The following HSD17B4 variants were observed in gnomAD, a reference collection of about 807,000 sequenced individuals.
HSD17B4 encodes the protein peroxisomal multifunctional enzyme type 2.
Under a neutral mutation model 101.0 loss-of-function variants are expected in HSD17B4, and 70 were observed. That is an observed-to-expected ratio of 0.69 (90% confidence interval 0.57 to 0.85). The LOEUF (loss-of-function observed/expected upper bound fraction) is 0.85, where lower values mean the gene tolerates loss of function less well. HSD17B4 is among the 40% of genes least tolerant of loss of function. The probability of loss-of-function intolerance (pLI) is 0.00; values close to 1 mark genes in which losing one functional copy is unlikely to be tolerated. For synonymous variants in HSD17B4, 347 were observed against 297.1 expected (o/e 1.17, Z -1.73); for missense variants, 984 against 892.4 (o/e 1.10, Z -1.31).
chr5:119,463,971 A>G (rs900605164), intron 2 of HSD17B4, among the ~76,000 whole-genome samples: 2 of 152,026 alleles, frequency 1.3e-5, no homozygotes, highest in African/African-American at 4.8e-5. Context: ...GCACCTGGCC[A>G]TTGAGAAATG....
At chr5:119,480,209 G>C (rs925364751) in intron 8 of HSD17B4, among the ~76,000 whole-genome samples, 1 of 151,822 alleles carries the variant, frequency 6.6e-6, no homozygotes, top group Admixed American at 6.6e-5. Context: ...GAATTTTAAG[G>C]GTTCTTTGTA....
At chr5:119,511,882 C>T (rs560840136) in intron 16 of HSD17B4, among the ~76,000 whole-genome samples, 70 of 152,154 alleles carry the variant, frequency 4.6e-4, no homozygotes, top group Non-Finnish European at 9.9e-4. Context: ...GAGTGTGATG[C>T]ATAGACGGAA....
At chr5:119,485,049 A>G (rs891461112) in intron 8 of HSD17B4, among the ~76,000 whole-genome samples, 3 of 152,198 alleles carry the variant, frequency 2.0e-5, no homozygotes, top group African/African-American at 7.2e-5. Flanking sequence ...ATGAATATTC[A>G]TGAACTCACT....
chr5:119,454,804 T>G (rs570904164), intron 1 of HSD17B4, among the ~76,000 whole-genome samples: 1 of 151,736 alleles, frequency 6.6e-6, no homozygotes, highest in Non-Finnish European at 1.5e-5. Flanking sequence ...GTGGTTTGAA[T>G]AGAGACGGGG....
intron 9 of HSD17B4, among the ~76,000 whole-genome samples, chr5:119,490,668 A>G (rs1167566117): frequency 1.3e-5 from 2 of 152,242 alleles, no homozygotes; most frequent in Admixed American, 6.5e-5. Flanking sequence ...TCCCGGACTC[A>G]AGTGATTCTC....
intron 14 of HSD17B4, among the ~76,000 whole-genome samples, chr5:119,504,172 A>G (rs550280656): frequency 3.7e-4 from 56 of 152,042 alleles, no homozygotes; most frequent in Non-Finnish European, 6.9e-4. Flanking sequence ...TTCTTTATCC[A>G]TTTCACCATT....
intron 23 of HSD17B4, 87 bp from the exon 24 acceptor site, chr5:119,541,818 T>C: frequency 1.2e-6 from 1 of 806,302 alleles, no homozygotes. Flanking sequence ...TCAATTGTAT[T>C]CAGTCTGAAT....
At chr5:119,499,248 G>A in intron 12 of HSD17B4, 69 bp from the exon 13 acceptor site, 2 of 1,003,002 alleles carry the variant, frequency 2.0e-6, no homozygotes, top group Admixed American at 1.7e-5. Context: ...AACAAAACTA[G>A]GTATGTAAGA....
intron 10 of HSD17B4, 68 bp from the exon 11 acceptor site, chr5:119,493,750 T>G: frequency 7.1e-7 from 1 of 1,402,984 alleles, no homozygotes; most frequent in Non-Finnish European, 1.0e-6. Flanking sequence ...AATGAAAGGG[T>G]TCTTATGCAT....
chr5:119,463,224 T>A (rs995126790), intron 2 of HSD17B4, among the ~76,000 whole-genome samples: 3 of 152,254 alleles, frequency 2.0e-5, no homozygotes, highest in African/African-American at 7.2e-5. Context: ...CATTATGTAT[T>A]GTGTGCCACA....
At chr5:119,513,574 G>A (rs1276493470) in intron 16 of HSD17B4, among the ~76,000 whole-genome samples, 1 of 152,056 alleles carries the variant, frequency 6.6e-6, no homozygotes, top group Non-Finnish European at 1.5e-5. Context: ...AGTAGAGACG[G>A]GGTTTCACCA....
intron 17 of HSD17B4, among the ~76,000 whole-genome samples, chr5:119,519,443 G>C (rs1479205438): frequency 1.3e-5 from 2 of 152,130 alleles, no homozygotes; most frequent in Non-Finnish European, 2.9e-5. Context: ...AACAGACATA[G>C]GCTCAAAAAC....
At chr5:119,470,449 C>T (rs1756250686) in intron 2 of HSD17B4, among the ~76,000 whole-genome samples, 1 of 152,084 alleles carries the variant, frequency 6.6e-6, no homozygotes, top group Non-Finnish European at 1.5e-5. Context: ...GAGGACTCAG[C>T]TTGTGTTTCT....
chr5:119,508,197 A>G (rs1028960146), intron 15 of HSD17B4, among the ~76,000 whole-genome samples: 1 of 151,174 alleles, frequency 6.6e-6, no homozygotes, highest in Non-Finnish European at 1.5e-5. Context: ...GTTCTCTTTT[A>G]GTCTTCTCAC....
intron 15 of HSD17B4, 129 bp from the exon 16 acceptor site, chr5:119,509,012 T>C: frequency 1.5e-6 from 1 of 673,666 alleles, no homozygotes; most frequent in Non-Finnish European, 2.7e-6. Flanking sequence ...CACCTTTACA[T>C]GTTAGAACTC....
In HSD17B4 at chr5:119,478,949, A is replaced by G. The variant is rs764299947; in HGVS notation, c.550A>G (p.Lys184Glu). The part of the protein sequence containing the change: ...LANSLAIEGR[K>E]SNIHCNTIAP... ...AAATTCTCTTGCAATTGAAGGCAGG[A>G]AAAGCAACATTCATTGTAACACCAT... is the stretch of plus-strand genomic sequence containing the variant. The change falls in exon 8 of 24, where the codon AAA (lysine) becomes GAA (glutamate). Residue 184 changes from lysine to glutamate, a missense_variant. Lys to Glu is a moderately conservative substitution (Grantham distance 56). Transcript: ENST00000510025. 6.2e-6 allele frequency: 10 copies of G among 1,613,652 alleles called. No homozygotes were observed. In the Admixed American group the frequency reaches 1.2e-4, roughly 19 times the overall value.
intron 10 of HSD17B4, 28 bp from the exon 11 acceptor site, chr5:119,493,790 A>G (rs757568623): frequency 1.9e-6 from 3 of 1,606,632 alleles, no homozygotes; most frequent in Non-Finnish European, 2.6e-6. Context: ...CTATGTGCTC[A>G]GTATGTTAGT....
Position 119,489,375 on chromosome 5 carries a change from T to A in HSD17B4, c.714+92T>A, listed in dbSNP as rs556635741. The stretch of plus-strand genomic sequence containing the variant: ...CCAGTGGACATCACTTGTATATTTT[T>A]AAATATTGTGTCTATGTTATAATTA... On this transcript the variant is annotated intron_variant, in intron 9 of 23. Coordinates refer to ENST00000510025, the MANE Select transcript of HSD17B4 (RefSeq NM_000414.4). 5.3e-5 allele frequency: 44 copies of A among 827,774 alleles called. No homozygotes were observed. The African/African-American group carries it at 6.9e-4, about 13-fold the overall frequency. The allele number at this position is 827,774 out of a possible 1,614,324, so 51.3% of individuals were successfully genotyped here.
At chr5:119,472,406 T>C (rs1756461575) in intron 2 of HSD17B4, 1 of 152,150 alleles carries the variant, frequency 6.6e-6, no homozygotes, top group African/African-American at 2.4e-5. Flanking sequence ...ATAGCCGATC[T>C]CTAGAACTTA....
Sources: gnomAD v4.1 joint callset for allele counts (sites outside exome capture counted in the v4.1 genomes callset) on GRCh38, gnomAD v4.1.1 for gene constraint, MANE v1.5 for transcripts, NCBI Gene and HGNC (gene_info 2026-07-23, HGNC 2026-07-21) for gene names.